Variants in ARID4B observed in about 807,000 individuals in gnomAD.
The protein encoded by ARID4B is AT-rich interaction domain 4B.
In ARID4B, 26 loss-of-function variants were observed where a neutral mutation model predicts 147.5. The observed-to-expected ratio is 0.18, with a 90% CI of 0.13 to 0.24. The LOEUF (loss-of-function observed/expected upper bound fraction) is 0.24. ARID4B is among the 10% of genes least tolerant of loss of function. The pLI, the probability that ARID4B is intolerant of heterozygous loss-of-function variation, is 1.00. For missense variants in ARID4B, 1,179 were observed against 1,511.5 expected, an observed-to-expected ratio of 0.78 and a Z score of 3.65; for synonymous variants, 512 against 507.9, an observed-to-expected ratio of 1.01 and a Z score of -0.11.
intron 19 of ARID4B, among the ~76,000 whole-genome samples, chr1:235,187,348 T>C (rs1331508123): frequency 6.6e-6 from 1 of 152,200 alleles, no homozygotes; most frequent in Non-Finnish European, 1.5e-5. Context: ...CCTCCCAAAA[T>C]GCTGGAATTA....
intron 2 of ARID4B, among the ~76,000 whole-genome samples, chr1:235,278,927 T>C (rs1450113527): frequency 6.6e-6 from 1 of 152,086 alleles, no homozygotes; most frequent in Non-Finnish European, 1.5e-5. Context: ...CATCTGAAAA[T>C]TTGTTTTTTT....
chr1:235,214,857 T>TTTTG (rs1237476688), intron 16 of ARID4B, among the ~76,000 whole-genome samples: 14 of 147,920 alleles, frequency 9.5e-5, no homozygotes, highest in Non-Finnish European at 1.5e-4. Context: ...TTTTTTTTTT[T>TTTTG]GATAGATTTT....
intron 20 of ARID4B, among the ~76,000 whole-genome samples, chr1:235,179,703 C>A (rs1283016378): frequency 6.8e-6 from 1 of 146,226 alleles, no homozygotes; most frequent in Non-Finnish European, 1.5e-5. Context: ...GAGAAGATAT[C>A]CTCTTTTTTT....
At position 235,230,594 on chromosome 1, in the gene ARID4B, T is replaced by TAAAAAAAAAAAAAAAAA. The variant is rs1175996354; in HGVS notation, c.742+502_742+518dup. Among the ~76,000 whole-genome samples, 97 of 58,360 alleles carry TAAAAAAAAAAAAAAAAA rather than the reference T, an allele frequency of 1.7e-3. 5 individuals carry two copies. Among genetic ancestry groups the TAAAAAAAAAAAAAAAAA allele is most frequent in the African/African-American group, 6.0e-3 (90 of 14,976 alleles). The allele number at this position is 58,360 out of a possible 152,430, so 38.3% of individuals were successfully genotyped here. On this transcript the variant is annotated intron_variant, in intron 10 of 23. Coordinates refer to ENST00000264183, the MANE Select transcript of ARID4B (RefSeq NM_016374.6). ...TAGATTATTATGCCTGACTATAAGCTAAAAAAAAAAAAAAAAAAAAAACCA... is the reference window on the plus strand; with the variant it reads ...TAGATTATTATGCCTGACTATAAGCTAAAAAAAAAAAAAAAAAAAAAAAAAAAAAAAAAAAAAAACCA...
At chr1:235,325,610 A>C (rs1430917052) in intron 2 of ARID4B, among the ~76,000 whole-genome samples, 1 of 152,202 alleles carries the variant, frequency 6.6e-6, no homozygotes, top group Non-Finnish European at 1.5e-5. Flanking sequence ...ATCAAGGTAC[A>C]TATACGAGTT....
chr1:235,250,031 T>C (rs1345652484), intron 6 of ARID4B, among the ~76,000 whole-genome samples: 1 of 150,322 alleles, frequency 6.7e-6, no homozygotes, highest in Admixed American at 6.6e-5. Context: ...GGCGTGAACC[T>C]GGGAGGCGGA....
At chr1:235,210,849 C>A (rs1421054558) in intron 17 of ARID4B, among the ~76,000 whole-genome samples, 1 of 150,306 alleles carries the variant, frequency 6.7e-6, no homozygotes, top group Non-Finnish European at 1.5e-5. Context: ...CCTTTCCCTT[C>A]CTGCTATTTA....
chr1:235,219,264 A>G (rs946113568), intron 16 of ARID4B, among the ~76,000 whole-genome samples: 3 of 152,176 alleles, frequency 2.0e-5, no homozygotes, highest in African/African-American at 7.2e-5. Context: ...TTCAATGCCA[A>G]AGATTATCTA....
At chr1:235,218,316 C>G (rs1667228092) in intron 16 of ARID4B, among the ~76,000 whole-genome samples, 1 of 152,002 alleles carries the variant, frequency 6.6e-6, no homozygotes, top group Admixed American at 6.6e-5. Flanking sequence ...TAAAAACCTA[C>G]AAAATACAGT....
chr1:235,214,128 A>C (rs1440122168), intron 16 of ARID4B, 102 bp from the exon 17 acceptor site: 22 of 1,406,150 alleles, frequency 1.6e-5, no homozygotes, highest in Middle Eastern at 2.6e-4. Flanking sequence ...TGATTGTTCC[A>C]GGAAAAGCAG....
At chr1:235,196,853 CA>C (rs34581094) in intron 17 of ARID4B, among the ~76,000 whole-genome samples, 31 of 88,556 alleles carry the variant, frequency 3.5e-4, no homozygotes, top group Admixed American at 6.9e-4. Flanking sequence ...CTCTGTTTCA[CA>C]AAAAAAAAAA....
chr1:235,186,424 T>C (rs1372895150), intron 19 of ARID4B, among the ~76,000 whole-genome samples: 1 of 152,088 alleles, frequency 6.6e-6, no homozygotes, highest in African/African-American at 2.4e-5. Flanking sequence ...TTTTTTTTTT[T>C]TTAAGAGACA....
At chr1:235,254,688 T>C (rs1018682628) in intron 5 of ARID4B, among the ~76,000 whole-genome samples, 11 of 151,432 alleles carry the variant, frequency 7.3e-5, no homozygotes, top group African/African-American at 2.4e-4. Flanking sequence ...ATATCCAAAA[T>C]ATATAAAGAA....
chr1:235,196,144 T>C (rs199760842), intron 17 of ARID4B, 29 bp from the exon 18 acceptor site: 1 of 1,177,490 alleles, frequency 8.5e-7, no homozygotes, highest in Non-Finnish European at 1.2e-6. Context: ...AATATAAATA[T>C]GTACAATATA....
At position 235,182,630 on chromosome 1, in the gene ARID4B, G is replaced by A. The variant is rs1664395660; in HGVS notation, c.2289C>T (p.Asn763=). ...EQNSSSLLEE[N]KVHADLVISK... is the part of the protein sequence containing the mutation. ...ATATTACCAAATCTGCATGAACTTT[G>A]TTTTCTTCTAGCAAAGATGAACTGT... The change falls in exon 20 of 24, where the codon AAC becomes AAT. Residue 763 remains asparagine (N), a synonymous_variant. Transcript: ENST00000264183. 6.2e-7 allele frequency: 1 copy of A among 1,613,374 alleles called. No homozygotes were observed. The highest frequency in any genetic ancestry group is 1.1e-5 in the South Asian group (1 of 91,008).
intron 2 of ARID4B, among the ~76,000 whole-genome samples, chr1:235,277,693 T>C (rs1671430652): frequency 6.6e-6 from 1 of 151,482 alleles, no homozygotes; most frequent in Non-Finnish European, 1.5e-5. Context: ...CCAGCATCTT[T>C]CAGGATTTTA....
intron 16 of ARID4B, among the ~76,000 whole-genome samples, chr1:235,216,330 C>T (rs1385786331): frequency 2.9e-5 from 4 of 136,846 alleles, no homozygotes; most frequent in African/African-American, 8.6e-5. Flanking sequence ...CACACACACA[C>T]ACATATATAC....
At chr1:235,258,992 T>A (rs1379006992) in intron 3 of ARID4B, among the ~76,000 whole-genome samples, 1 of 152,248 alleles carries the variant, frequency 6.6e-6, no homozygotes, top group African/African-American at 2.4e-5. Context: ...TGTTAAAAAA[T>A]ATATCCCTAT....
intron 19 of ARID4B, 23 bp from the exon 20 acceptor site, chr1:235,182,816 A>T (rs1664409815): frequency 1.3e-6 from 2 of 1,555,500 alleles, no homozygotes; most frequent in Non-Finnish European, 1.7e-6. Context: ...AGAAAAAAAA[A>T]TGATGAGTAT....
Sources: allele counts gnomAD v4.1 joint callset (sites outside exome capture counted in the v4.1 genomes callset), GRCh38; gene constraint gnomAD v4.1.1; transcripts MANE v1.5; gene names NCBI Gene and HGNC (gene_info 2026-07-23, HGNC 2026-07-21).